PLXNA4: variants seen among roughly 807,000 people sequenced by gnomAD.
PLXNA4 encodes the protein plexin A4.
In PLXNA4, 44 loss-of-function variants were observed where a neutral mutation model predicts 191.8. That is an observed-to-expected ratio of 0.23 (90% CI 0.18 to 0.29). The LOEUF is 0.29. PLXNA4 is among the 10% of genes least tolerant of loss of function. PLXNA4 has a pLI of 1.00. For missense variants in PLXNA4, 1,800 were observed against 2,488.8 expected (o/e 0.72, Z 5.89); for synonymous variants, 1,082 against 1,009.5 (o/e 1.07, Z -1.36).
intron 25 of PLXNA4, among the ~76,000 whole-genome samples, chr7:132,155,687 G>A (rs781481269): frequency 2.4e-4 from 37 of 152,108 alleles, no homozygotes; most frequent in Non-Finnish European, 3.5e-4. Flanking sequence ...AACTCCTCCC[G>A]CTGTGGTCGC....
intron 3 of PLXNA4, among the ~76,000 whole-genome samples, chr7:132,473,758 G>C (rs1002536498): frequency 1.3e-5 from 2 of 151,988 alleles, no homozygotes; most frequent in African/African-American, 4.8e-5. Context: ...GAGAACAAGG[G>C]CTAGGAAGCT....
chr7:132,344,005 C>T (rs1252458390), intron 3 of PLXNA4, among the ~76,000 whole-genome samples: 1 of 152,218 alleles, frequency 6.6e-6, no homozygotes, highest in Non-Finnish European at 1.5e-5. Context: ...AGTTTAGACA[C>T]ATCATTGCCA....
intron 4 of PLXNA4, among the ~76,000 whole-genome samples, chr7:132,272,947 T>C (rs1309525468): frequency 6.6e-6 from 1 of 152,232 alleles, no homozygotes; most frequent in African/African-American, 2.4e-5. Flanking sequence ...TTGTCATTTA[T>C]GTCTTTGCAT....
chr7:132,359,465 C>T (rs1260891094), intron 3 of PLXNA4, among the ~76,000 whole-genome samples: 1 of 152,110 alleles, frequency 6.6e-6, no homozygotes, highest in Non-Finnish European at 1.5e-5. Context: ...GATCTGCCTG[C>T]CACGGTCTCC....
chr7:132,302,127 AATTG>A (rs1174094845), intron 3 of PLXNA4, among the ~76,000 whole-genome samples: 1 of 152,194 alleles, frequency 6.6e-6, no homozygotes, highest in Admixed American at 6.5e-5. Flanking sequence ...GGAGAGAGAG[AATTG>A]ACTAAGAGAC....
chr7:132,221,950 AGGTTTTATCTAGCAAG>A (rs1320077344), intron 9 of PLXNA4, among the ~76,000 whole-genome samples: 4 of 152,328 alleles, frequency 2.6e-5, no homozygotes, highest in Middle Eastern at 3.4e-3. Flanking sequence ...TATCTAGCAA[AGGTTTTATCTAGCAAG>A]GAGGTCCAAG....
intron 10 of PLXNA4, among the ~76,000 whole-genome samples, chr7:132,203,878 T>C (rs910457359): frequency 2.6e-5 from 4 of 152,118 alleles, no homozygotes; most frequent in African/African-American, 9.7e-5. Context: ...TTCCAGGAAA[T>C]GTCCAGGGTA....
chr7:132,148,449 G>A, intron 26 of PLXNA4, 94 bp downstream of exon 26: 1 of 1,539,952 alleles, frequency 6.5e-7, no homozygotes, highest in Admixed American at 1.8e-5. Flanking sequence ...GCTGGTGAGG[G>A]GCTTGGTGTC....
At chr7:132,578,743 C>G (rs961267313), upstream of PLXNA4, among the ~76,000 whole-genome samples, 1 of 152,138 alleles carries the variant, frequency 6.6e-6, no homozygotes, top group Non-Finnish European at 1.5e-5. Flanking sequence ...AAAGGATATT[C>G]CAGGAGACAG....
intron 3 of PLXNA4, among the ~76,000 whole-genome samples, chr7:132,439,503 C>CATAT (rs1563099543): frequency 2.6e-5 from 2 of 75,768 alleles, no homozygotes; most frequent in Non-Finnish European, 3.8e-5. Flanking sequence ...TATATACATA[C>CATAT]GCATACACAC....
At chr7:132,600,632 C>G (rs1466463981) in intron 2 of PLXNA4, among the ~76,000 whole-genome samples, 1 of 152,216 alleles carries the variant, frequency 6.6e-6, no homozygotes, top group Non-Finnish European at 1.5e-5. Context: ...CTCAGCCTCC[C>G]AAAGTGCTGG....
chr7:132,509,165 G>A (rs1798610382), intron 1 of PLXNA4, among the ~76,000 whole-genome samples: 1 of 141,816 alleles, frequency 7.1e-6, no homozygotes, highest in South Asian at 2.1e-4. Flanking sequence ...GGAGAAGAGG[G>A]AGGGAGGGAG....
intron 4 of PLXNA4, among the ~76,000 whole-genome samples, chr7:132,278,859 T>C (rs972272045): frequency 1.3e-5 from 2 of 152,182 alleles, no homozygotes; most frequent in African/African-American, 4.8e-5. Flanking sequence ...AATATCAAGA[T>C]TGCAAGGCAG....
intron 3 of PLXNA4, among the ~76,000 whole-genome samples, chr7:132,362,410 A>C (rs773672247): frequency 7.9e-5 from 12 of 152,224 alleles, no homozygotes; most frequent in Non-Finnish European, 1.5e-5. Context: ...CACGCTTTCT[A>C]TGCATCTTCA....
intron 3 of PLXNA4, among the ~76,000 whole-genome samples, chr7:132,304,948 G>C (rs1218351515): frequency 6.6e-6 from 1 of 152,234 alleles, no homozygotes; most frequent in African/African-American, 2.4e-5. Flanking sequence ...GAATGCTGCT[G>C]CATGGGCCTC....
chr7:132,215,459 C>T (rs546143630), intron 9 of PLXNA4, among the ~76,000 whole-genome samples: 30 of 152,326 alleles, frequency 2.0e-4, no homozygotes, highest in African/African-American at 5.1e-4. Flanking sequence ...GCTGCTGGCA[C>T]GGTGCTTCTA....
intron 3 of PLXNA4, among the ~76,000 whole-genome samples, chr7:132,338,307 G>A (rs78730255): frequency 5.9e-5 from 9 of 152,168 alleles, no homozygotes; most frequent in Admixed American, 2.6e-4. Context: ...CTCTAAATGC[G>A]TAGATGAAAC....
chr7:132,494,976 G>A (rs905401240), intron 2 of PLXNA4, among the ~76,000 whole-genome samples: 1 of 152,136 alleles, frequency 6.6e-6, no homozygotes, highest in African/African-American at 2.4e-5. Flanking sequence ...GGAACAGTGG[G>A]GGGATCTCCC....
intron 3 of PLXNA4, among the ~76,000 whole-genome samples, chr7:132,450,772 C>T (rs1707225222): frequency 1.3e-5 from 2 of 151,546 alleles, no homozygotes; most frequent in South Asian, 4.1e-4. Context: ...CCCTCTTTCT[C>T]TCTGAGATTC....
Sources: allele counts gnomAD v4.1 joint callset (sites outside exome capture counted in the v4.1 genomes callset), GRCh38; gene constraint gnomAD v4.1.1; transcripts MANE v1.5; gene names NCBI Gene and HGNC (gene_info 2026-07-23, HGNC 2026-07-21).